The following ELF4 variants were observed in gnomAD, a reference collection of about 807,000 sequenced individuals.
ELF4 encodes ETS-related transcription factor Elf-4.
ELF4 carries 10 observed loss-of-function variants against 31.7 expected under a neutral mutation model. The ratio of observed to expected loss-of-function variants is 0.32; its 90% CI spans 0.19 to 0.54. ELF4 has a LOEUF of 0.54. ELF4 is among the 20% of genes least tolerant of loss of function. The probability of loss-of-function intolerance (pLI) is 0.95; values close to 1 mark genes in which losing one functional copy is unlikely to be tolerated. For missense variants in ELF4, 418 were observed against 522.0 expected (o/e 0.80, Z 1.94); for synonymous variants, 208 against 226.7 (o/e 0.92, Z 0.74).
chrX:130,080,402 C>T (rs1200624672), intron 2 of ELF4, among the ~76,000 whole-genome samples: 1 of 87,904 alleles, frequency 1.1e-5, no homozygotes, highest in Non-Finnish European at 2.1e-5. Context: ...CCAGCCTGGG[C>T]GACAGAGTGA....
chrX:130,086,639 G>A (rs758809310), intron 1 of ELF4, among the ~76,000 whole-genome samples: 73 of 112,439 alleles, frequency 6.5e-4, no homozygotes, highest in Non-Finnish European at 1.2e-3. Flanking sequence ...GTCATCCTTC[G>A]AGCAGGTGAG....
At chrX:130,096,490 T>G (rs1429614489) in intron 1 of ELF4, among the ~76,000 whole-genome samples, 2 of 111,248 alleles carry the variant, frequency 1.8e-5, no homozygotes, top group Non-Finnish European at 3.8e-5. Flanking sequence ...TGCCTGGGGG[T>G]GATGAAAATG....
In ELF4 at chrX:130,074,074, G is replaced by A. The variant is rs753928588; in HGVS notation, c.315C>T (p.Ser105=). The A allele has an allele frequency of 6.0e-5, 72 of 1,209,738 alleles. No individual in the cohort carries two copies. The South Asian group carries it at 1.2e-3, about 20-fold the overall frequency. The change falls in exon 4 of 9, where the codon AGC becomes AGT. Residue 105 remains serine (S), a synonymous_variant. Coordinates refer to ENST00000308167, the MANE Select transcript of ELF4 (RefSeq NM_001421.4). The part of the protein sequence containing the change: ...AEVLLNMESP[S]DILDEKQIFS... ...AGATCTGCTTCTCATCCAGGATATC[G>A]CTGGGAGACTCCATATTGAGTAAGA...
rs750783246 is a variant in ELF4 at position 130,065,741 on chromosome X, C to T, written c.*980G>A. 8.0e-5 allele frequency: 14 copies of T among 174,289 alleles called. No individual in the cohort carries two copies. Among genetic ancestry groups the T allele is most frequent in the Non-Finnish European group, 1.5e-4 (14 of 91,392 alleles). The allele number at this position is 174,289 out of a possible 1,213,427, so 14.4% of individuals were successfully genotyped here. A position where few individuals can be genotyped will look rare whatever the true frequency, so the allele number is the denominator to read the frequency against. ...CAAAGGCTATTGTCTGGCGGGGGGC[C>T]GGTATCACACAAACAGCCCAAGCCC... On this transcript the variant is annotated 3_prime_UTR_variant, in exon 9 of 9. Transcript: ENST00000308167.
rs745621689 is a variant in ELF4 at position 130,066,736 on chromosome X, C to T, written c.1977G>A (p.Glu659=). 5 of 1,208,278 alleles carry T rather than the reference C, an allele frequency of 4.1e-6. No homozygotes were observed. Among genetic ancestry groups the T allele is most frequent in the African/African-American group, 1.8e-5 (1 of 57,087 alleles). ...ACCCCTTTGCTTATATGTCATGGGG[C>T]TCCATCTTAATGAGGGAAGTAGGGT... ...PFNPTSLIKM[E]PHDI Residue 659 remains glutamate (E), a synonymous_variant, in exon 9 of 9, where the codon GAG becomes GAA. Coordinates refer to ENST00000308167, the MANE Select transcript of ELF4 (RefSeq NM_001421.4).
chrX:130,076,159 A>G (rs929578056), intron 2 of ELF4, among the ~76,000 whole-genome samples: 3 of 111,789 alleles, frequency 2.7e-5, no homozygotes, highest in African/African-American at 9.8e-5. Context: ...ACCCCTAGAG[A>G]ACAGAAGTGT....
chrX:130,095,677 G>A (rs956035817), intron 1 of ELF4, among the ~76,000 whole-genome samples: 8 of 111,705 alleles, frequency 7.2e-5, no homozygotes, highest in African/African-American at 2.3e-4. Flanking sequence ...GGCCAGCTGC[G>A]GAGAAGGAGT....
At position 130,067,016 on chromosome X, in the gene ELF4, A is replaced by G; in HGVS notation, c.1697T>C (p.Leu566Pro). ...MEGLLVPEET[L>P]RELLRDQAHL... ...AGCCTGATCTCTCAGGAGCTCCCTC[A>G]GGGTCTCTTCAGGAACCAGCAGCCC... Residue 566 changes from leucine (L) to proline (P), a missense_variant, in exon 9 of 9, where the codon CTG becomes CCG. Physicochemically the swap from Leu to Pro is moderately conservative, Grantham distance 98. Coordinates refer to ENST00000308167, the MANE Select transcript of ELF4 (RefSeq NM_001421.4). 8.2e-7 allele frequency: 1 copy of G among 1,212,298 alleles called. No individual in the cohort carries two copies. Among genetic ancestry groups the G allele is most frequent in the Non-Finnish European group, 1.1e-6 (1 of 895,599 alleles).
At chrX:130,070,601 TA>T (rs61298314) in intron 7 of ELF4, among the ~76,000 whole-genome samples, 34 of 84,747 alleles carry the variant, frequency 4.0e-4, no homozygotes, top group Admixed American at 8.0e-4. Flanking sequence ...TAAATAAAAA[TA>T]AAAAAAAAAC....
chrX:130,074,986 T>G (rs1932820111), intron 2 of ELF4, among the ~76,000 whole-genome samples: 1 of 110,066 alleles, frequency 9.1e-6, no homozygotes, highest in Non-Finnish European at 1.9e-5. Context: ...TTTTTTTTTT[T>G]GAGATAGAGC....
At chrX:130,081,614 C>A (rs1465151778) in intron 1 of ELF4, 75 bp from the exon 2 acceptor site, 4 of 391,052 alleles carry the variant, frequency 1.0e-5, no homozygotes, top group Non-Finnish European at 1.4e-5. Flanking sequence ...TGCCTATGAA[C>A]CAGAGGGACC....
Position 130,082,627 on chromosome X carries a change from T to C in ELF4, c.-209-1088A>G, listed in dbSNP as rs180877511. ...CGTCCGGGCCTGCATTTGTTCCCCCTGTCGCCACTCCTCAGGGCTGTCAGT... is the reference window on the plus strand; with the variant it reads ...CGTCCGGGCCTGCATTTGTTCCCCCCGTCGCCACTCCTCAGGGCTGTCAGT... On this transcript the variant is annotated intron_variant, in intron 1 of 8. Coordinates refer to ENST00000308167, the MANE Select transcript of ELF4 (RefSeq NM_001421.4). Among the ~76,000 whole-genome samples, 403 of 109,926 alleles carry C rather than the reference T, an allele frequency of 3.7e-3. 2 individuals are homozygous for C. The highest frequency in any genetic ancestry group is 0.013 in the African/African-American group (382 of 30,535).
Position 130,066,602 on chromosome X carries a change from G to C in ELF4, c.*119C>G. 2 of 788,952 alleles carry C rather than the reference G, an allele frequency of 2.5e-6. No individual in the cohort carries two copies. The highest frequency in any genetic ancestry group is 4.8e-5 in the South Asian group (2 of 41,718). The allele number at this position is 788,952 out of a possible 1,213,427, so 65.0% of individuals were successfully genotyped here. A position where few individuals can be genotyped will look rare whatever the true frequency, so the allele number is the denominator to read the frequency against. ...GACACCAGGCAGGGCCGGGGGACTT[G>C]GGGTCAAGTGTATTGACATCCCACT... On this transcript the variant is annotated 3_prime_UTR_variant, in exon 9 of 9. Transcript: ENST00000308167.
chrX:130,089,509 C>CAAAAAAAAAAA lies in ELF4; in HGVS notation c.-209-7981_-209-7971dup, dbSNP rs777456574. 3.6e-4 allele frequency among the ~76,000 whole-genome samples: 7 copies of CAAAAAAAAAAA among 19,456 alleles called. 2 individuals are homozygous for CAAAAAAAAAAA. The highest frequency in any genetic ancestry group is 1.5e-3 in the African/African-American group (5 of 3,444). 16.9% of individuals were successfully genotyped at this position (19,456 alleles called of 115,157 possible). On this transcript the variant is annotated intron_variant, in intron 1 of 8. Transcript: ENST00000308167. The stretch of plus-strand genomic sequence containing the variant: ...GGGCAACAAGAGTGAGACCTCAGCT[C>CAAAAAAAAAAA]AAAAAAAAAAAAAAAAAAAAAAAAA...
chrX:130,083,582 T>C (rs1372875043), intron 1 of ELF4, among the ~76,000 whole-genome samples: 1 of 111,721 alleles, frequency 9.0e-6, no homozygotes, highest in East Asian at 2.8e-4. Flanking sequence ...ATCTCTTCTT[T>C]CCAGATCAGG....
At position 130,074,101 on chromosome X, in the gene ELF4, T is replaced by A. The variant is rs1932812333; in HGVS notation, c.288A>T (p.Glu96Asp). The change falls in exon 4 of 9, where the codon GAA (glutamate) becomes GAT (aspartate). Residue 96 changes from glutamate to aspartate, a missense_variant. Physicochemically the swap from Glu to Asp is conservative, Grantham distance 45. This residue lies in a region of ELF4 where 88 missense variants were observed against 92.4 expected (regional missense o/e 0.95). Coordinates refer to ENST00000308167, the MANE Select transcript of ELF4 (RefSeq NM_001421.4). ...TGGGAGACTCCATATTGAGTAAGAC[T>A]TCCGCGGTTGACATGGTGTGCGAGG... ...EATSHTMSTA[E>D]VLLNMESPSD... The A allele has an allele frequency of 8.3e-7, 1 of 1,209,856 alleles. No homozygotes were observed. The highest frequency in any genetic ancestry group is 1.8e-5 in the African/African-American group (1 of 57,052).
chrX:130,083,199 G>C (rs894855869), intron 1 of ELF4, among the ~76,000 whole-genome samples: 3 of 107,084 alleles, frequency 2.8e-5, no homozygotes, highest in African/African-American at 1.0e-4. Flanking sequence ...GGACGAGTGA[G>C]AGGCTGAGTA....
rs776426701 is a variant in ELF4 at position 130,067,379 on chromosome X, T to C, written c.1334A>G (p.Gln445Arg). 3 of 1,210,600 alleles carry C rather than the reference T, an allele frequency of 2.5e-6. No homozygotes were observed. In the African/African-American group the frequency reaches 5.2e-5, roughly 21 times the overall value. The stretch of plus-strand genomic sequence containing the variant: ...GAAAGTAGAGGCCGCTGGAACACTC[T>C]GGAGAACGAGCTGAGTGGGAGCAGT... ...STTAPTQLVLQSVPAASTFKD... is the reference protein window; with the variant it reads ...STTAPTQLVLRSVPAASTFKD... The change falls in exon 9 of 9, where the codon CAG (glutamine) becomes CGG (arginine). Residue 445 changes from glutamine (Q) to arginine (R), a missense_variant. This residue lies in a region of ELF4 where 260 missense variants were observed against 269.2 expected (regional missense o/e 0.97). Coordinates refer to ENST00000308167, the MANE Select transcript of ELF4 (RefSeq NM_001421.4).
chrX:130,069,985 TGA>T (rs1346983316), intron 7 of ELF4, among the ~76,000 whole-genome samples: 3 of 111,898 alleles, frequency 2.7e-5, no homozygotes, highest in African/African-American at 9.7e-5. Flanking sequence ...AGGAGAGAAC[TGA>T]GAGTGAGGGG....
Sources: gnomAD v4.1 joint callset for allele counts (sites outside exome capture counted in the v4.1 genomes callset) on GRCh38, gnomAD v4.1.1 for gene constraint, gnomAD v4.1.1 regional missense constraint, MANE v1.5 for transcripts, NCBI Gene and HGNC (gene_info 2026-07-23, HGNC 2026-07-21) for gene names.